The following BTN3A2 variants were observed in gnomAD, a reference collection of about 807,000 sequenced individuals.
BTN3A2 encodes the protein butyrophilin protein.
A neutral mutation model predicts 37.6 loss-of-function variants in BTN3A2; 25 were observed. That is an observed-to-expected ratio of 0.66 (90% CI 0.48 to 0.93). The LOEUF (loss-of-function observed/expected upper bound fraction) is 0.93. BTN3A2 is among the 40% of genes least tolerant of loss of function. The probability of loss-of-function intolerance (pLI) is 0.00; values close to 1 mark genes in which losing one functional copy is unlikely to be tolerated. For missense variants in BTN3A2, 266 were observed against 410.9 expected (o/e 0.65, Z 3.05); for synonymous variants, 122 against 159.4 (o/e 0.77, Z 1.77).
Position 26,377,006 on chromosome 6 carries a change from C to T in BTN3A2, c.*1244C>T. ...ATGCCACGGATGGATCTCATATCTA[C>T]ACATTTCTGCACGCCTCTTCCTCTG... On this transcript the variant is annotated 3_prime_UTR_variant, in exon 11 of 11. Coordinates refer to ENST00000377708, the MANE Select transcript of BTN3A2 (RefSeq NM_007047.5). The T allele has an allele frequency of 7.0e-7, 1 of 1,428,674 alleles. No individual in the cohort carries two copies. 88.5% of individuals were successfully genotyped at this position (1,428,674 alleles called of 1,614,324 possible).
chr6:26,376,756 T>C lies in BTN3A2; in HGVS notation c.*994T>C. On this transcript the variant is annotated 3_prime_UTR_variant, in exon 11 of 11. Coordinates refer to ENST00000377708, the MANE Select transcript of BTN3A2 (RefSeq NM_007047.5). ...GAGAGACACTACTGGGAGGTGGAAG[T>C]GGGGGACAGAAAAGAGTGGCATATT... The C allele has an allele frequency of 6.2e-7, 1 of 1,605,814 alleles. No homozygotes were observed. The highest frequency in any genetic ancestry group is 8.5e-7 in the Non-Finnish European group (1 of 1,172,842).
chr6:26,373,512 G>T (rs9393714), intron 8 of BTN3A2, 99 bp downstream of exon 8: 148,067 of 1,380,576 alleles, frequency 0.11, 8,716 homozygotes, highest in Non-Finnish European at 0.12. Flanking sequence ...TTGAAAAGTG[G>T]TCTTGGATCC....
At chr6:26,374,683 G>T (rs1760533343) in intron 9 of BTN3A2, 88 bp from the exon 10 acceptor site, 1 of 1,361,986 alleles carries the variant, frequency 7.3e-7, no homozygotes, top group South Asian at 1.3e-5. Flanking sequence ...CTAAAGAAAA[G>T]GAGAGAAAAC....
Position 26,376,660 on chromosome 6 carries a change from A to G in BTN3A2, c.*898A>G, listed in dbSNP as rs936512876. The stretch of plus-strand genomic sequence containing the variant: ...AGTGTACAGCGTGCTGAGGAGCCCC[A>G]TGACCTACCAGACAACCCTGAGAGA... On this transcript the variant is annotated 3_prime_UTR_variant, in exon 11 of 11. Transcript: ENST00000377708. 12 of 1,508,636 alleles carry G rather than the reference A, an allele frequency of 8.0e-6. No homozygotes were observed. The East Asian group carries it at 1.1e-4, about 14-fold the overall frequency. 93.5% of individuals were successfully genotyped at this position (1,508,636 alleles called of 1,614,324 possible). A position where few individuals can be genotyped will look rare whatever the true frequency, so the allele number is the denominator to read the frequency against.
Position 26,375,872 on chromosome 6 carries a change from G to T in BTN3A2, c.*110G>T. On this transcript the variant is annotated 3_prime_UTR_variant, in exon 11 of 11. Transcript: ENST00000377708. ...ATGGAAAAATAGACTGCAGAAAAGGGGAACTCATTTAGCTCACGAGTGGTC... is the reference window on the plus strand; with the variant it reads ...ATGGAAAAATAGACTGCAGAAAAGGTGAACTCATTTAGCTCACGAGTGGTC... The T allele has an allele frequency of 6.5e-7, 1 of 1,546,310 alleles. No homozygotes were observed. Among genetic ancestry groups the T allele is most frequent in the Non-Finnish European group, 8.8e-7 (1 of 1,142,348 alleles).
chr6:26,367,719 C>A (rs1759654822), intron 1 of BTN3A2, among the ~76,000 whole-genome samples: 1 of 152,160 alleles, frequency 6.6e-6, no homozygotes, highest in Non-Finnish European at 1.5e-5. Context: ...CTGCCTGGAT[C>A]CCACCAGGAG....
rs1397492900 is a variant in BTN3A2, at chr6:26,376,839, A to C, written c.*1077A>C. The C allele has an allele frequency of 1.9e-6, 3 of 1,613,908 alleles. No individual in the cohort carries two copies. The East Asian group carries it at 6.7e-5, about 36-fold the overall frequency. On this transcript the variant is annotated 3_prime_UTR_variant, in exon 11 of 11. Coordinates refer to ENST00000377708, the MANE Select transcript of BTN3A2 (RefSeq NM_007047.5). ...AGTTTGGGTCAAAATGACACCGGAG[A>C]ACGGATACTGGACTATGGGCCTGAC...
chr6:26,366,501 T>C (rs913949579), intron 1 of BTN3A2, among the ~76,000 whole-genome samples: 3 of 152,256 alleles, frequency 2.0e-5, no homozygotes, highest in Admixed American at 2.0e-4. Context: ...AAATTGTCTA[T>C]AGTAGAAAGA....
chr6:26,373,216 A>G, intron 6 of BTN3A2, 60 bp from the exon 7 acceptor site: 3 of 1,587,664 alleles, frequency 1.9e-6, no homozygotes, highest in African/African-American at 1.4e-5. Context: ...CGAAACACCA[A>G]CCTCACCCAT....
At chr6:26,375,558 G>C in intron 10 of BTN3A2, 1 of 1,369,372 alleles carries the variant, frequency 7.3e-7, no homozygotes, top group Non-Finnish European at 1.0e-6. Flanking sequence ...GAGGACAAGG[G>C]AGCCCAGTGG....
chr6:26,374,547 T>G, intron 9 of BTN3A2, 174 bp downstream of exon 9: 1 of 860,068 alleles, frequency 1.2e-6, no homozygotes, highest in Non-Finnish European at 1.8e-6. Flanking sequence ...CACACCCCCT[T>G]GTAAAGCCTG....
intron 5 of BTN3A2, 149 bp downstream of exon 5, chr6:26,370,752 A>G: frequency 7.3e-7 from 1 of 1,376,544 alleles, no homozygotes; most frequent in South Asian, 1.5e-5. Flanking sequence ...GTGCCAGGGG[A>G]GCTTCTTTCC....
chr6:26,373,102 C>T lies in BTN3A2; in HGVS notation c.916+5C>T, dbSNP rs1399582118. 6.2e-7 allele frequency: 1 copy of T among 1,613,144 alleles called. No individual in the cohort carries two copies. The highest frequency in any genetic ancestry group is 8.5e-7 in the Non-Finnish European group (1 of 1,180,024). ...AGCGGGAAATAAGCCTAAGAGGTAT[C>T]CAACGCAAGCAGAGAATCTAAGCTC... On this transcript the variant is annotated splice_donor_5th_base_variant and intron_variant, in intron 6 of 10. Coordinates refer to ENST00000377708, the MANE Select transcript of BTN3A2 (RefSeq NM_007047.5).
chr6:26,373,131 GC>G (rs1349925611), intron 6 of BTN3A2, 34 bp downstream of exon 6: 1 of 1,610,456 alleles, frequency 6.2e-7, no homozygotes, highest in Admixed American at 1.7e-5. Context: ...TAAGCTCTTG[GC>G]TTGCATGCCC....
At chr6:26,365,880 G>A (rs1459273911) in intron 1 of BTN3A2, among the ~76,000 whole-genome samples, 1 of 151,976 alleles carries the variant, frequency 6.6e-6, no homozygotes, top group African/African-American at 2.4e-5. Flanking sequence ...CAACAGGTGG[G>A]GAATAGACAA....
At chr6:26,373,538 G>C (rs1411783099) in intron 8 of BTN3A2, 125 bp downstream of exon 8, 6 of 665,666 alleles carry the variant, frequency 9.0e-6, no homozygotes, top group Non-Finnish European at 1.2e-5. Flanking sequence ...CCCAGAAAAA[G>C]AAAACAAGTG....
chr6:26,372,709 G>A (rs1319808187), intron 5 of BTN3A2, 188 bp from the exon 6 acceptor site: 1 of 633,602 alleles, frequency 1.6e-6, no homozygotes, highest in Non-Finnish European at 2.7e-6. Context: ...AATAGTAGTA[G>A]CTTGTAGTGA....
intron 5 of BTN3A2, among the ~76,000 whole-genome samples, chr6:26,371,778 A>G (rs1457447965): frequency 6.6e-6 from 1 of 152,036 alleles, no homozygotes; most frequent in Non-Finnish European, 1.5e-5. Flanking sequence ...TCCCAGGTTC[A>G]AGTGATCCTC....
At chr6:26,367,420 A>G (rs1195361888) in intron 1 of BTN3A2, among the ~76,000 whole-genome samples, 1 of 152,194 alleles carries the variant, frequency 6.6e-6, no homozygotes, top group Non-Finnish European at 1.5e-5. Flanking sequence ...CATACTCGAT[A>G]TTTTTGAGTA....
Sources: gnomAD v4.1 joint callset for allele counts (sites outside exome capture counted in the v4.1 genomes callset) on GRCh38, gnomAD v4.1.1 for gene constraint, MANE v1.5 for transcripts, NCBI Gene and HGNC (gene_info 2026-07-23, HGNC 2026-07-21) for gene names.